PDE4D: variants seen among roughly 807,000 people sequenced by gnomAD.
PDE4D encodes phosphodiesterase 4D.
A neutral mutation model predicts 87.4 loss-of-function variants in PDE4D; 24 were observed. The observed-to-expected ratio is 0.27, with a 90% CI of 0.20 to 0.39. PDE4D has a LOEUF of 0.39. Among genes scored for constraint, PDE4D ranks in the 10% least tolerant of loss-of-function variants. The pLI is 1.00. For synonymous variants in PDE4D, 384 were observed against 383.2 expected (o/e 1.00, Z -0.02); for missense variants, 714 against 1,041.0 (o/e 0.69, Z 4.32).
intron 1 of PDE4D, among the ~76,000 whole-genome samples, chr5:59,288,454 G>T (rs886511682): frequency 6.6e-6 from 1 of 151,780 alleles, no homozygotes; most frequent in African/African-American, 2.4e-5. Context: ...AGAAGACTTA[G>T]AAAATAGTCT....
At chr5:59,999,654 C>A (rs1454610750) in intron 2 of PDE4D, among the ~76,000 whole-genome samples, 1 of 150,864 alleles carries the variant, frequency 6.6e-6, no homozygotes, top group Admixed American at 6.6e-5. Context: ...TTTTCAAATG[C>A]ACAAATCACA....
In PDE4D at chr5:59,200,062, TAC is replaced by T. The variant is rs1008348207; in HGVS notation, c.648-6528_648-6527del. Among the ~76,000 whole-genome samples the T allele has an allele frequency of 9.5e-4, 78 of 82,092 alleles. 1 individual carries two copies. In the Middle Eastern group the frequency reaches 0.035, roughly 37 times the overall value. 53.9% of individuals were successfully genotyped at this position (82,092 alleles called of 152,430 possible). ...ACACACGTATGTACACACATGCATG[TAC>T]ACACACGTATGCACACATACATGTA... On this transcript the variant is annotated intron_variant, in intron 2 of 14. Coordinates refer to ENST00000340635, the MANE Select transcript of PDE4D (RefSeq NM_001104631.2).
intron 1 of PDE4D, among the ~76,000 whole-genome samples, chr5:59,747,350 A>T (rs191373687): frequency 6.6e-6 from 1 of 152,146 alleles, no homozygotes; most frequent in Admixed American, 6.6e-5. Context: ...ACTTCTTTGC[A>T]TATCCTTTTA....
chr5:59,248,714 T>A (rs6898269), intron 1 of PDE4D, among the ~76,000 whole-genome samples: 10,058 of 152,148 alleles, frequency 0.066, 1,193 homozygotes, highest in East Asian at 0.51. Context: ...AAAATGTAAT[T>A]TATATCTGAG....
chr5:59,291,740 T>G (rs1768067960), intron 1 of PDE4D, among the ~76,000 whole-genome samples: 1 of 106,644 alleles, frequency 9.4e-6, no homozygotes, highest in South Asian at 3.3e-4. Flanking sequence ...AAAAAGAAGT[T>G]TTTTTTTTTT....
intron 1 of PDE4D, among the ~76,000 whole-genome samples, chr5:59,440,263 G>A (rs904803983): frequency 6.6e-6 from 1 of 152,104 alleles, no homozygotes; most frequent in African/African-American, 2.4e-5. Context: ...AACATAAAGT[G>A]GTGACAAATT....
At position 60,429,761 on chromosome 5, in the gene PDE4D, C is replaced by T. The variant is rs944523534; in HGVS notation, c.-90+58181G>A. 7 of 277,068 alleles carry T rather than the reference C, an allele frequency of 2.5e-5. No homozygotes were observed. In the Admixed American group the frequency reaches 3.1e-4, roughly 12 times the overall value. 17.2% of individuals were successfully genotyped at this position (277,068 alleles called of 1,614,324 possible). ...TTTATTCCGTTCATGTGGTGAATCA[C>T]ATTTATTGATTTGCATATGTTGAAA... is the stretch of plus-strand genomic sequence containing the variant. On this transcript the variant is annotated intron_variant, in intron 1 of 16. Coordinates refer to the PDE4D transcript ENST00000502484.
intron 2 of PDE4D, among the ~76,000 whole-genome samples, chr5:60,075,512 T>C (rs1419778612): frequency 1.3e-5 from 2 of 152,148 alleles, no homozygotes; most frequent in African/African-American, 4.8e-5. Flanking sequence ...GTGAAGTCTC[T>C]TATGGGGGTT....
At chr5:59,854,605 T>C (rs572050781) in intron 1 of PDE4D, among the ~76,000 whole-genome samples, 2 of 152,266 alleles carry the variant, frequency 1.3e-5, no homozygotes, top group Non-Finnish European at 2.9e-5. Context: ...TATGTGGATT[T>C]GATTTTTATA....
chr5:60,454,698 G>A (rs1746339121), intron 1 of PDE4D, among the ~76,000 whole-genome samples: 1 of 152,066 alleles, frequency 6.6e-6, no homozygotes. Flanking sequence ...AACGCATGCG[G>A]GGCTTAATAC....
chr5:60,242,815 T>A (rs938990473), intron 1 of PDE4D, among the ~76,000 whole-genome samples: 1 of 151,924 alleles, frequency 6.6e-6, no homozygotes, highest in African/African-American at 2.4e-5. Flanking sequence ...CCAAAACCTA[T>A]GGGATACAGC....
At chr5:59,590,697 T>C (rs754277512) in intron 1 of PDE4D, among the ~76,000 whole-genome samples, 5 of 148,824 alleles carry the variant, frequency 3.4e-5, no homozygotes, top group African/African-American at 5.1e-5. Context: ...TGGTTTGTTG[T>C]TTTGTTTTGT....
chr5:59,518,193 T>TCGTGTGTGTG (rs35039897), intron 1 of PDE4D, among the ~76,000 whole-genome samples: 2 of 149,430 alleles, frequency 1.3e-5, no homozygotes, highest in African/African-American at 2.5e-5. Flanking sequence ...ACTTGTGTGT[T>TCGTGTGTGTG]TGTGTGTGTG....
chr5:60,197,704 G>A (rs766567664), intron 1 of PDE4D, among the ~76,000 whole-genome samples: 6 of 151,422 alleles, frequency 4.0e-5, no homozygotes, highest in South Asian at 4.2e-4. Context: ...AGTCATTGCC[G>A]GCAGACTGTA....
intron 1 of PDE4D, among the ~76,000 whole-genome samples, chr5:59,287,720 G>C (rs372124152): frequency 3.3e-4 from 48 of 143,982 alleles, no homozygotes; most frequent in Non-Finnish European, 4.5e-4. Flanking sequence ...GACACACACA[G>C]AGAGAGAGAG....
Position 60,364,192 on chromosome 5 carries a change from T to C in PDE4D, c.-90+123750A>G, listed in dbSNP as rs377719339. On this transcript the variant is annotated intron_variant, in intron 1 of 16. Transcript: ENST00000502484. ...CCTGAGTTCCAGGTTCTCCTCAGGCTGCTCACACTTGTCTTTTCAGAAAGA... is the reference window on the plus strand; with the variant it reads ...CCTGAGTTCCAGGTTCTCCTCAGGCCGCTCACACTTGTCTTTTCAGAAAGA... 9.8e-5 allele frequency among the ~76,000 whole-genome samples: 15 copies of C among 152,340 alleles called. No individual in the cohort carries two copies. In the East Asian group the frequency reaches 2.3e-3, roughly 24 times the overall value.
intron 1 of PDE4D, among the ~76,000 whole-genome samples, chr5:59,296,772 AACAC>A (rs10560642): frequency 0.24 from 35,313 of 149,810 alleles, 4,351 homozygotes; most frequent in Admixed American, 0.35. Context: ...AGAAATTAGT[AACAC>A]ACACACACAC....
chr5:59,893,265 C>T lies in PDE4D; in HGVS notation c.358G>A (p.Ala120Thr), dbSNP rs747343167. The stretch of plus-strand genomic sequence containing the variant: ...ACCGCGTAGGAGGTGCGGTCCATGG[C>T]GCGACAGTACAGGTAGCGCTCGGTG... The part of the protein sequence containing the change: ...SDTERYLYCR[A>T]MDRTSYAVET... The change falls in exon 1 of 15, where the codon GCC (alanine) becomes ACC (threonine). Residue 120 changes from alanine to threonine, a missense_variant. Physicochemically the swap from Ala to Thr is moderately conservative, Grantham distance 58. This residue lies in a region of PDE4D where 268 missense variants were observed against 272.9 expected (regional missense o/e 0.98). Transcript: ENST00000340635. 9.7e-6 allele frequency: 15 copies of T among 1,551,426 alleles called. No homozygotes were observed. The South Asian group carries it at 1.5e-4, about 16-fold the overall frequency.
chr5:60,242,585 C>T (rs1397141963), intron 1 of PDE4D, among the ~76,000 whole-genome samples: 1 of 151,964 alleles, frequency 6.6e-6, no homozygotes, highest in Non-Finnish European at 1.5e-5. Flanking sequence ...TGTTAGGTCA[C>T]AAAACAAGTT....
Sources: allele counts gnomAD v4.1 joint callset (sites outside exome capture counted in the v4.1 genomes callset), GRCh38; gene constraint gnomAD v4.1.1; regional missense constraint gnomAD v4.1.1; transcripts MANE v1.5; gene names NCBI Gene and HGNC (gene_info 2026-07-23, HGNC 2026-07-21).